Variants in GUCY2F observed in about 807,000 individuals in gnomAD.
GUCY2F encodes retinal guanylyl cyclase 2.
GUCY2F carries 61 observed loss-of-function variants against 73.1 expected under a neutral mutation model. The ratio of observed to expected loss-of-function variants is 0.83; its 90% CI spans 0.68 to 1.03. GUCY2F has a LOEUF of 1.03. Among genes scored for constraint, GUCY2F ranks in the 50% least tolerant of loss-of-function variants. The probability of loss-of-function intolerance (pLI) is 0.00; values close to 1 mark genes in which losing one functional copy is unlikely to be tolerated. For synonymous variants in GUCY2F, 331 were observed against 307.8 expected (o/e 1.08, Z -0.79); for missense variants, 912 against 854.3 (o/e 1.07, Z -0.84).
intron 3 of GUCY2F, among the ~76,000 whole-genome samples, chrX:109,464,725 G>A (rs762389198): frequency 7.1e-5 from 8 of 112,442 alleles, no homozygotes; most frequent in East Asian, 5.6e-4. Flanking sequence ...GGTAGAAGCC[G>A]CATCCTCCAA....
In GUCY2F at chrX:109,380,746, T is replaced by C. The variant is rs1405479552; in HGVS notation, c.3150+1372A>G. 4.5e-5 allele frequency among the ~76,000 whole-genome samples: 5 copies of C among 111,897 alleles called. No homozygotes were observed. In the East Asian group the frequency reaches 1.1e-3, roughly 25 times the overall value. The stretch of plus-strand genomic sequence containing the variant: ...ACCCAAAGATGTGAGTGCTCCTGAA[T>C]TGAATTTGTGGGACAATAAAAACCA... On this transcript the variant is annotated intron_variant, in intron 17 of 19. Transcript: ENST00000218006.
intron 3 of GUCY2F, among the ~76,000 whole-genome samples, chrX:109,462,417 A>G (rs1001744906): frequency 1.8e-5 from 2 of 112,445 alleles, no homozygotes; most frequent in African/African-American, 6.5e-5. Context: ...CCCTTTTATC[A>G]TTCTTCAGTT....
chrX:109,400,771 C>T (rs1440193759), intron 10 of GUCY2F, among the ~76,000 whole-genome samples: 1 of 112,192 alleles, frequency 8.9e-6, no homozygotes, highest in East Asian at 2.8e-4. Flanking sequence ...GCCCCTATGT[C>T]TCCCTGCCTA....
intron 3 of GUCY2F, among the ~76,000 whole-genome samples, chrX:109,458,621 A>G (rs768337712): frequency 9.0e-6 from 1 of 110,939 alleles, no homozygotes; most frequent in Non-Finnish European, 1.9e-5. Flanking sequence ...TTTCCTTAGC[A>G]CCTGAAATGG....
chrX:109,379,909 G>A (rs1229768579), intron 17 of GUCY2F, among the ~76,000 whole-genome samples: 1 of 112,119 alleles, frequency 8.9e-6, no homozygotes, highest in Non-Finnish European at 1.9e-5. Context: ...CCTCCCCCAA[G>A]CTACTTCAGC....
chrX:109,477,451 A>C (rs1416095038), intron 1 of GUCY2F, among the ~76,000 whole-genome samples: 2 of 112,079 alleles, frequency 1.8e-5, no homozygotes, highest in African/African-American at 6.5e-5. Flanking sequence ...TGGAGGGCCT[A>C]GGAAAAAAAT....
intron 7 of GUCY2F, among the ~76,000 whole-genome samples, chrX:109,433,634 A>G (rs187246544): frequency 1.8e-5 from 2 of 112,349 alleles, no homozygotes; most frequent in Non-Finnish European, 3.8e-5. Context: ...CCACACATGC[A>G]CTATTTGTTT....
chrX:109,448,904 T>C (rs1314633418), intron 5 of GUCY2F, among the ~76,000 whole-genome samples: 1 of 112,254 alleles, frequency 8.9e-6, no homozygotes, highest in Non-Finnish European at 1.9e-5. Flanking sequence ...TCTCTAAACA[T>C]GCCCATTAAT....
intron 17 of GUCY2F, among the ~76,000 whole-genome samples, chrX:109,379,401 G>A: frequency 8.9e-6 from 1 of 112,155 alleles, no homozygotes; most frequent in Non-Finnish European, 1.9e-5. Flanking sequence ...AAAATGTTAA[G>A]TATTTGAGGT....
chrX:109,422,230 C>T (rs1931386963), intron 8 of GUCY2F, among the ~76,000 whole-genome samples: 1 of 111,084 alleles, frequency 9.0e-6, no homozygotes, highest in Non-Finnish European at 1.9e-5. Flanking sequence ...GTTGATTATA[C>T]CTGAATAGAA....
chrX:109,432,589 C>A (rs138931926), intron 7 of GUCY2F, among the ~76,000 whole-genome samples: 1,302 of 112,109 alleles, frequency 0.012, 21 homozygotes, highest in African/African-American at 0.039. Flanking sequence ...TATTTTCTCT[C>A]AAATTTAAAA....
chrX:109,411,257 A>G (rs74884545), intron 8 of GUCY2F, among the ~76,000 whole-genome samples: 3 of 88,568 alleles, frequency 3.4e-5, no homozygotes, highest in Non-Finnish European at 6.1e-5. Flanking sequence ...TCCATTTTCA[A>G]AAAAAAAAAA....
intron 17 of GUCY2F, among the ~76,000 whole-genome samples, chrX:109,377,584 A>G (rs189310459): frequency 8.9e-6 from 1 of 112,016 alleles, no homozygotes; most frequent in East Asian, 2.8e-4. Context: ...GTTGCCCAGT[A>G]AATAATCAGA....
chrX:109,429,112 T>A (rs1229411017), intron 8 of GUCY2F, among the ~76,000 whole-genome samples: 3 of 111,714 alleles, frequency 2.7e-5, no homozygotes, highest in African/African-American at 9.8e-5. Flanking sequence ...CAATCACGTG[T>A]AAGAAAAATA....
intron 7 of GUCY2F, among the ~76,000 whole-genome samples, chrX:109,437,963 T>C (rs1603383365): frequency 2.7e-5 from 3 of 112,577 alleles, no homozygotes; most frequent in African/African-American, 6.5e-5. Flanking sequence ...TCCTCTTTGA[T>C]TGAATTAAGT....
At chrX:109,455,867 T>C (rs1932247606) in intron 3 of GUCY2F, among the ~76,000 whole-genome samples, 1 of 112,096 alleles carries the variant, frequency 8.9e-6, no homozygotes, top group Non-Finnish European at 1.9e-5. Context: ...ATGTTAAAAA[T>C]CAACATACCC....
In GUCY2F at chrX:109,474,295, G is replaced by C. The variant is rs950044475; in HGVS notation, c.730+912C>G. 5.4e-5 allele frequency among the ~76,000 whole-genome samples: 6 copies of C among 111,868 alleles called. No individual in the cohort carries two copies. In the Admixed American group the frequency reaches 5.7e-4, roughly 11 times the overall value. ...TAAAGTGGTGGAGTGGCTGCAGTGG[G>C]GGAATGAGCAGCGTTCCCATGAATC... On this transcript the variant is annotated intron_variant, in intron 2 of 19. Coordinates refer to ENST00000218006, the MANE Select transcript of GUCY2F (RefSeq NM_001522.3).
At chrX:109,481,068 A>C (rs1484725086) in intron 1 of GUCY2F, among the ~76,000 whole-genome samples, 1 of 55,901 alleles carries the variant, frequency 1.8e-5, no homozygotes, top group Non-Finnish European at 3.6e-5. Context: ...GGAAGGAAGG[A>C]AGGAAGGAAG....
intron 6 of GUCY2F, among the ~76,000 whole-genome samples, chrX:109,447,218 G>A (rs1470134243): frequency 4.5e-5 from 5 of 111,507 alleles, no homozygotes; most frequent in Middle Eastern, 4.6e-3. Context: ...ACAGTGTGGC[G>A]ATTCCTCAAG....
Sources: allele counts gnomAD v4.1 joint callset (sites outside exome capture counted in the v4.1 genomes callset), GRCh38; gene constraint gnomAD v4.1.1; transcripts MANE v1.5; gene names NCBI Gene and HGNC (gene_info 2026-07-23, HGNC 2026-07-21).